The following RERE variants were observed in gnomAD, a reference collection of about 807,000 sequenced individuals.
RERE encodes arginine-glutamic acid dipeptide repeats.
RERE carries 40 observed loss-of-function variants against 146.1 expected under a neutral mutation model. That is an observed-to-expected ratio of 0.27 (90% confidence interval 0.21 to 0.36). The LOEUF is 0.36. Among genes scored for constraint, RERE ranks in the 10% least tolerant of loss-of-function variants. RERE has a pLI of 1.00. For missense variants in RERE, 1,933 were observed against 2,138.7 expected (o/e 0.90, Z 1.90); for synonymous variants, 1,003 against 866.0 (o/e 1.16, Z -2.78).
intron 11 of RERE, among the ~76,000 whole-genome samples, chr1:8,437,232 T>A (rs554390069): frequency 9.2e-5 from 14 of 152,262 alleles, no homozygotes; most frequent in Non-Finnish European, 4.4e-5. Flanking sequence ...GGCTCCTGGA[T>A]TTTGTTTCCC....
chr1:8,626,713 G>A (rs961886012), intron 2 of RERE, among the ~76,000 whole-genome samples: 2 of 152,134 alleles, frequency 1.3e-5, no homozygotes, highest in Non-Finnish European at 2.9e-5. Flanking sequence ...CCAAGCCTGT[G>A]ATAAGCTCTC....
At chr1:8,534,487 A>G (rs567631738) in intron 7 of RERE, among the ~76,000 whole-genome samples, 1 of 152,312 alleles carries the variant, frequency 6.6e-6, no homozygotes, top group East Asian at 1.9e-4. Flanking sequence ...AGATACAAAC[A>G]CACGCACTCC....
chr1:8,470,972 A>G (rs1644676559), intron 10 of RERE, among the ~76,000 whole-genome samples: 2 of 150,862 alleles, frequency 1.3e-5, no homozygotes, highest in South Asian at 4.2e-4. Flanking sequence ...GCGCGCCACC[A>G]CACCCAGCTA....
intron 1 of RERE, among the ~76,000 whole-genome samples, chr1:8,693,932 T>G (rs1639264382): frequency 6.6e-6 from 1 of 151,498 alleles, no homozygotes; most frequent in South Asian, 2.1e-4. Flanking sequence ...TAAAATTTTT[T>G]AATGTTTTAA....
intron 1 of RERE, among the ~76,000 whole-genome samples, chr1:8,658,766 AAG>A (rs1491110435): frequency 6.8e-6 from 1 of 147,414 alleles, no homozygotes; most frequent in African/African-American, 2.7e-5. Flanking sequence ...AAAAAAAAAA[AAG>A]AAAGAAAGAA....
chr1:8,787,227 G>C (rs1001198379), intron 1 of RERE, among the ~76,000 whole-genome samples: 2 of 152,170 alleles, frequency 1.3e-5, no homozygotes, highest in Admixed American at 1.3e-4. Context: ...CCCTCTGCCT[G>C]GAAGGCTCTA....
At chr1:8,804,982 A>AT (rs1053774145) in intron 1 of RERE, among the ~76,000 whole-genome samples, 1 of 127,624 alleles carries the variant, frequency 7.8e-6, no homozygotes, top group Non-Finnish European at 1.7e-5. Flanking sequence ...TTTTCAAATG[A>AT]TTTTTTTTGT....
rs137971387 is a variant in RERE at position 8,476,089 on chromosome 1, C to T, written c.1105-10066G>A. Among the ~76,000 whole-genome samples the T allele has an allele frequency of 3.7e-3, 569 of 152,298 alleles. 5 individuals carry two copies. The highest frequency in any genetic ancestry group is 0.013 in the African/African-American group (543 of 41,558). On this transcript the variant is annotated intron_variant, in intron 10 of 22. Coordinates refer to ENST00000400908, the MANE Select transcript of RERE (RefSeq NM_001042681.2). ...AAACTACAATGTTCCAGGAATTATG[C>T]GCCAGCCCTGGAGTCACATGGAAGA...
rs3050828 is a variant in RERE, at chr1:8,545,982, C to CTTTTTTTTTTTTTTTTT, written c.726-4681_726-4665dup. On this transcript the variant is annotated intron_variant, in intron 6 of 22. Transcript: ENST00000400908. Reference sequence around the variant, plus strand: ...ACAGGTGCAAGCTACCATACCCAGTCTTTTTTTTTTTTTTTTTTTTTTTTT... The same window carrying CTTTTTTTTTTTTTTTTT: ...ACAGGTGCAAGCTACCATACCCAGTCTTTTTTTTTTTTTTTTTTTTTTTTTTTTTTTTTTTTTTTTTT... Among the ~76,000 whole-genome samples, 53 of 69,474 alleles carry CTTTTTTTTTTTTTTTTT rather than the reference C, an allele frequency of 7.6e-4. 9 individuals are homozygous for CTTTTTTTTTTTTTTTTT. The highest frequency in any genetic ancestry group is 3.0e-3 in the African/African-American group (50 of 16,694). 45.6% of individuals were successfully genotyped at this position (69,474 alleles called of 152,430 possible).
At chr1:8,362,905 G>A (rs887204889) in intron 15 of RERE, 61 bp from the exon 16 acceptor site, 3 of 1,556,808 alleles carry the variant, frequency 1.9e-6, no homozygotes, top group African/African-American at 2.7e-5. Flanking sequence ...GGACCCACCT[G>A]AGCCCAACCC....
intron 1 of RERE, among the ~76,000 whole-genome samples, chr1:8,690,074 T>C (rs1361882120): frequency 5.3e-5 from 8 of 152,242 alleles, no homozygotes; most frequent in African/African-American, 1.7e-4. Flanking sequence ...ATTTATGCTC[T>C]GTATTAGTCC....
intron 4 of RERE, among the ~76,000 whole-genome samples, chr1:8,606,154 C>T (rs1646706314): frequency 6.6e-6 from 1 of 152,066 alleles, no homozygotes; most frequent in African/African-American, 2.4e-5. Flanking sequence ...AAGCTAGTAT[C>T]CAACTATTTT....
Position 8,736,860 on chromosome 1 carries a change from A to G in RERE, c.-145+80300T>C, listed in dbSNP as rs532691855. On this transcript the variant is annotated intron_variant, in intron 1 of 22. Transcript: ENST00000400908. ...TAGGAGAAGCAAGGGGGAAAAAAAA[A>G]AAAAAAAAAAAAAAACTAAAACCTT... Among the ~76,000 whole-genome samples, 8 of 151,608 alleles carry G rather than the reference A, an allele frequency of 5.3e-5. No homozygotes were observed. In the South Asian group the frequency reaches 1.5e-3, roughly 28 times the overall value.
At chr1:8,384,792 T>A (rs1246672446) in intron 12 of RERE, among the ~76,000 whole-genome samples, 1 of 152,216 alleles carries the variant, frequency 6.6e-6, no homozygotes, top group East Asian at 1.9e-4. Flanking sequence ...CACTCCCAGC[T>A]AAACTTTCTG....
At position 8,512,183 on chromosome 1, in the gene RERE, G is replaced by A. The variant is rs893025241; in HGVS notation, c.831-3508C>T. Among the ~76,000 whole-genome samples the A allele has an allele frequency of 4.7e-5, 7 of 148,928 alleles. No individual in the cohort carries two copies. In the South Asian group the frequency reaches 6.5e-4, roughly 14 times the overall value. ...CGAGTAGCTGGGACTACAGGCGCCC[G>A]CCACCGCGCCCGGCTAATTTTTTGT... is the stretch of plus-strand genomic sequence containing the variant. On this transcript the variant is annotated intron_variant, in intron 7 of 22. Transcript: ENST00000400908.
intron 11 of RERE, among the ~76,000 whole-genome samples, chr1:8,458,384 G>C (rs1212181675): frequency 1.3e-5 from 2 of 151,980 alleles, no homozygotes; most frequent in East Asian, 3.9e-4. Flanking sequence ...TCAAGCTGAA[G>C]ACTCCCCCCA....
chr1:8,751,968 G>T (rs1354971849), intron 1 of RERE, among the ~76,000 whole-genome samples: 1 of 139,014 alleles, frequency 7.2e-6, no homozygotes, highest in South Asian at 2.3e-4. Flanking sequence ...AAAAAAAAAA[G>T]ATCAATTCAA....
At position 8,359,851 on chromosome 1, in the gene RERE, T is replaced by G. The variant is rs1181984077; in HGVS notation, c.3531A>C (p.Lys1177Asn). ...IEKAKREAEQ[K>N]AREEREREKE... ...TCTCCCGCTCTCGCTCCTCTCGGGCTTTCTGCTCAGCCTCGCGCTTGGCCT... is the reference window on the plus strand; with the variant it reads ...TCTCCCGCTCTCGCTCCTCTCGGGCGTTCTGCTCAGCCTCGCGCTTGGCCT... The change falls in exon 19 of 23, where the codon AAA becomes AAC. Residue 1177 changes from lysine to asparagine, a missense_variant. By Grantham distance (94) the Lys-to-Asn change is moderately conservative. Transcript: ENST00000400908. 19 of 1,611,332 alleles carry G rather than the reference T, an allele frequency of 1.2e-5. No homozygotes were observed. The highest frequency in any genetic ancestry group is 1.6e-5 in the Non-Finnish European group (19 of 1,179,912).
At chr1:8,775,197 G>A (rs1641042003) in intron 1 of RERE, among the ~76,000 whole-genome samples, 1 of 151,926 alleles carries the variant, frequency 6.6e-6, no homozygotes, top group African/African-American at 2.4e-5. Context: ...TTGACCTTGT[G>A]ATCCACCTGC....
Sources: gnomAD v4.1 joint callset for allele counts (sites outside exome capture counted in the v4.1 genomes callset) on GRCh38, gnomAD v4.1.1 for gene constraint, MANE v1.5 for transcripts, NCBI Gene and HGNC (gene_info 2026-07-23, HGNC 2026-07-21) for gene names.